Variants in LRP1B observed in about 807,000 individuals in gnomAD.
LRP1B encodes the protein low-density lipoprotein receptor-related protein 1B.
In LRP1B, 217 loss-of-function variants were observed where a neutral mutation model predicts 556.6. That is an observed-to-expected ratio of 0.39 (90% CI 0.35 to 0.44). LRP1B has a LOEUF of 0.44. Among genes scored for constraint, LRP1B ranks in the 20% least tolerant of loss-of-function variants. LRP1B has a pLI of 1.00. For synonymous variants in LRP1B, 2,047 were observed against 1,865.8 expected, an observed-to-expected ratio of 1.10 and a Z score of -2.50; for missense variants, 5,053 against 5,620.8, an observed-to-expected ratio of 0.90 and a Z score of 3.23.
At chr2:140,567,275 A>C (rs1681161955) in intron 43 of LRP1B, among the ~76,000 whole-genome samples, 1 of 152,142 alleles carries the variant, frequency 6.6e-6, no homozygotes, top group Non-Finnish European at 1.5e-5. Flanking sequence ...ACTTACTGCT[A>C]CTGCACTTGG....
intron 2 of LRP1B, among the ~76,000 whole-genome samples, chr2:141,777,878 T>TA (rs1210181897): frequency 6.6e-6 from 1 of 152,186 alleles, no homozygotes; most frequent in African/African-American, 2.4e-5. Context: ...TTGTTTTTTT[T>TA]AATAAATATC....
At chr2:141,098,814 C>A (rs969513024) in intron 7 of LRP1B, among the ~76,000 whole-genome samples, 2 of 152,174 alleles carry the variant, frequency 1.3e-5, no homozygotes, top group South Asian at 2.1e-4. Context: ...TGTGCCACCA[C>A]ACCCAGCTGA....
chr2:142,050,177 C>T (rs888281823), intron 1 of LRP1B, among the ~76,000 whole-genome samples: 1 of 152,070 alleles, frequency 6.6e-6, no homozygotes, highest in Non-Finnish European at 1.5e-5. Context: ...GGTATACACA[C>T]ACAGAGAGAA....
chr2:141,516,659 C>G (rs1049378422), intron 2 of LRP1B, among the ~76,000 whole-genome samples: 17 of 150,528 alleles, frequency 1.1e-4, no homozygotes, highest in African/African-American at 3.9e-4. Flanking sequence ...AGTATTCCAC[C>G]GGAGTAAGGA....
intron 2 of LRP1B, among the ~76,000 whole-genome samples, chr2:141,608,563 T>G (rs757702358): frequency 2.9e-4 from 44 of 152,150 alleles, no homozygotes; most frequent in Admixed American, 1.2e-3. Flanking sequence ...GAAATAACCC[T>G]CACACAAAGG....
chr2:140,540,898 A>C (rs6729619), intron 45 of LRP1B, 75 bp downstream of exon 45: 741,524 of 1,480,186 alleles, frequency 0.5, 188,237 homozygotes, highest in South Asian at 0.56. Context: ...TCATGAATAC[A>C]CTAACACAAT....
chr2:141,777,786 T>C (rs1695126500), intron 2 of LRP1B, among the ~76,000 whole-genome samples: 1 of 152,192 alleles, frequency 6.6e-6, no homozygotes, highest in Non-Finnish European at 1.5e-5. Flanking sequence ...CTTACTGGGC[T>C]ATTCTTGAAA....
chr2:140,893,593 A>T (rs1693862727), intron 23 of LRP1B, among the ~76,000 whole-genome samples: 2 of 152,172 alleles, frequency 1.3e-5, no homozygotes, highest in East Asian at 3.8e-4. Context: ...TTTTAAGACT[A>T]TTTATCTGGT....
chr2:141,552,169 T>C (rs920913309), intron 2 of LRP1B, among the ~76,000 whole-genome samples: 18 of 152,196 alleles, frequency 1.2e-4, no homozygotes, highest in African/African-American at 3.6e-4. Flanking sequence ...TGCAGTATCA[T>C]TGGTATCAAG....
At chr2:140,501,654 T>G (rs1223763529) in intron 55 of LRP1B, 33 bp downstream of exon 55, 4 of 1,488,084 alleles carry the variant, frequency 2.7e-6, no homozygotes, top group Non-Finnish European at 3.7e-6. Context: ...TTCTAATGTA[T>G]CGTATGATTT....
At chr2:141,384,115 T>C (rs1430063401) in intron 3 of LRP1B, among the ~76,000 whole-genome samples, 1 of 152,184 alleles carries the variant, frequency 6.6e-6, no homozygotes, top group Non-Finnish European at 1.5e-5. Context: ...ATACATTTTT[T>C]ATTTTTTAAA....
intron 2 of LRP1B, among the ~76,000 whole-genome samples, chr2:141,518,707 G>C (rs1486801432): frequency 6.6e-6 from 1 of 152,078 alleles, no homozygotes; most frequent in Admixed American, 6.5e-5. Context: ...CCAACACTTT[G>C]GGACGCCGAG....
At chr2:141,003,998 T>G (rs906664223) in intron 15 of LRP1B, among the ~76,000 whole-genome samples, 3 of 152,084 alleles carry the variant, frequency 2.0e-5, no homozygotes, top group Admixed American at 2.0e-4. Context: ...TAAGGTATTT[T>G]CTCATATGTC....
chr2:141,345,656 ATTTT>A (rs758109848), intron 3 of LRP1B, among the ~76,000 whole-genome samples: 21 of 131,026 alleles, frequency 1.6e-4, no homozygotes, highest in Non-Finnish European at 1.6e-4. Flanking sequence ...TACCTGGCTA[ATTTT>A]TTTTTTTTTT....
chr2:141,310,514 C>T (rs1027975623), intron 3 of LRP1B, among the ~76,000 whole-genome samples: 28 of 152,034 alleles, frequency 1.8e-4, no homozygotes, highest in African/African-American at 6.8e-4. Flanking sequence ...TTGGAGAGAT[C>T]AAGTTCTAAC....
At position 140,718,445 on chromosome 2, in the gene LRP1B, T is replaced by C. The variant is rs150614969; in HGVS notation, c.5759-1629A>G. Among the ~76,000 whole-genome samples the C allele has an allele frequency of 4.4e-3, 674 of 152,200 alleles. 4 individuals are homozygous for C. The highest frequency in any genetic ancestry group is 0.014 in the African/African-American group (594 of 41,544). ...ACCACGTCATACTGTCTACTACTTATGTTGTAACTAAACCAATAACCACTA... is the reference window on the plus strand; with the variant it reads ...ACCACGTCATACTGTCTACTACTTACGTTGTAACTAAACCAATAACCACTA... On this transcript the variant is annotated intron_variant, in intron 35 of 90. Coordinates refer to ENST00000389484, the MANE Select transcript of LRP1B (RefSeq NM_018557.3).
chr2:140,277,414 C>A (rs554883033), intron 84 of LRP1B, among the ~76,000 whole-genome samples: 1 of 151,766 alleles, frequency 6.6e-6, no homozygotes, highest in African/African-American at 2.4e-5. Flanking sequence ...GGTGAAACCC[C>A]CTCTCTACTA....
At chr2:141,923,403 C>CTACATATATATATATATATATA (rs1700242880) in intron 1 of LRP1B, among the ~76,000 whole-genome samples, 1 of 102,110 alleles carries the variant, frequency 9.8e-6, no homozygotes, top group Non-Finnish European at 1.9e-5. Flanking sequence ...ATCTCTGTCA[C>CTACATATATATATATATATATA]TATATATATA....
intron 3 of LRP1B, among the ~76,000 whole-genome samples, chr2:141,356,223 C>T (rs1411684499): frequency 6.6e-6 from 1 of 152,162 alleles, no homozygotes; most frequent in Non-Finnish European, 1.5e-5. Flanking sequence ...ATGGCAGAAA[C>T]CAGAAACCAG....
Sources: allele counts gnomAD v4.1 joint callset (sites outside exome capture counted in the v4.1 genomes callset), GRCh38; gene constraint gnomAD v4.1.1; transcripts MANE v1.5; gene names NCBI Gene and HGNC (gene_info 2026-07-23, HGNC 2026-07-21).